Variants in SACM1L observed in about 807,000 individuals in gnomAD.
The protein encoded by SACM1L is SAC1 like phosphatidylinositide phosphatase, also known as phosphatidylinositol-3-phosphatase SAC1.
In SACM1L, 32 loss-of-function variants were observed where a neutral mutation model predicts 89.5. That is an observed-to-expected ratio of 0.36 (90% CI 0.27 to 0.48). SACM1L has a LOEUF of 0.48. Ranked by LOEUF, SACM1L falls within the 20% of genes least tolerant of loss-of-function variation. The pLI, the probability that SACM1L is intolerant of heterozygous loss-of-function variation, is 0.99. For synonymous variants in SACM1L, 213 were observed against 232.8 expected, an observed-to-expected ratio of 0.92 and a Z score of 0.77; for missense variants, 543 against 708.5, an observed-to-expected ratio of 0.77 and a Z score of 2.65.
chr3:45,699,927 C>A (rs1698227716), intron 1 of SACM1L, among the ~76,000 whole-genome samples: 1 of 152,122 alleles, frequency 6.6e-6, no homozygotes, highest in Admixed American at 6.5e-5. Context: ...TACTTTATTG[C>A]TGACTGAAAT....
At chr3:45,711,609 C>T (rs562867389) in intron 5 of SACM1L, among the ~76,000 whole-genome samples, 134 of 150,120 alleles carry the variant, frequency 8.9e-4, no homozygotes, top group African/African-American at 2.9e-3. Flanking sequence ...AACAGCAAGA[C>T]GGTCTAAAAA....
intron 8 of SACM1L, 139 bp downstream of exon 8, chr3:45,719,740 A>ATAAT: frequency 1.9e-6 from 1 of 536,826 alleles, no homozygotes; most frequent in Non-Finnish European, 3.3e-6. Flanking sequence ...CTTCATTGTA[A>ATAAT]TAATTAGGTA....
intron 11 of SACM1L, among the ~76,000 whole-genome samples, chr3:45,724,717 A>T (rs920228889): frequency 6.6e-6 from 1 of 152,112 alleles, no homozygotes. Flanking sequence ...ATCCAATAAC[A>T]TAAACTTACC....
At chr3:45,700,202 G>C (rs1698232868) in intron 1 of SACM1L, among the ~76,000 whole-genome samples, 1 of 152,160 alleles carries the variant, frequency 6.6e-6, no homozygotes, top group African/African-American at 2.4e-5. Context: ...TTCGATTTCT[G>C]AGCTTGGTGA....
Position 45,705,265 on chromosome 3 carries a change from T to A in SACM1L, c.205+56T>A, listed in dbSNP as rs572341497. The A allele has an allele frequency of 8.7e-4, 929 of 1,061,894 alleles. 11 individuals carry two copies. In the South Asian group the frequency reaches 0.012, roughly 13 times the overall value. The allele number at this position is 1,061,894 out of a possible 1,614,324, so 65.8% of individuals were successfully genotyped here. A position where few individuals can be genotyped will look rare whatever the true frequency, so the allele number is the denominator to read the frequency against. On this transcript the variant is annotated intron_variant, in intron 3 of 19. Transcript: ENST00000389061. ...AAGGTAATTAGCAAGGTAGTTAAAT[T>A]GTTAATATTAGAGTGAGTATACGAT...
chr3:45,726,000 A>C (rs1270903986), intron 11 of SACM1L, among the ~76,000 whole-genome samples: 1 of 151,908 alleles, frequency 6.6e-6, no homozygotes, highest in African/African-American at 2.4e-5. Flanking sequence ...GGTATGTTAT[A>C]CTGATGGATT....
chr3:45,719,836 T>G (rs146523908), intron 8 of SACM1L, among the ~76,000 whole-genome samples: 115 of 152,352 alleles, frequency 7.5e-4, no homozygotes, highest in African/African-American at 2.5e-3. Context: ...GAAGAGGAAC[T>G]GATCATGTTG....
At chr3:45,720,868 T>G (rs1195328042) in intron 8 of SACM1L, among the ~76,000 whole-genome samples, 1 of 152,226 alleles carries the variant, frequency 6.6e-6, no homozygotes, top group Non-Finnish European at 1.5e-5. Flanking sequence ...ATGTTATATG[T>G]AAGAAATATG....
intron 1 of SACM1L, among the ~76,000 whole-genome samples, chr3:45,698,326 G>A (rs2125682377): frequency 6.6e-6 from 1 of 152,274 alleles, no homozygotes; most frequent in South Asian, 2.1e-4. Flanking sequence ...AGCATCCCTA[G>A]AAATGTTGAT....
At chr3:45,732,499 C>T (rs9826208) in intron 13 of SACM1L, among the ~76,000 whole-genome samples, 95,676 of 151,950 alleles carry the variant, frequency 0.63, 30,549 homozygotes, top group Non-Finnish European at 0.66. Context: ...ACCTGTACAG[C>T]GTCTGTAATG....
intron 8 of SACM1L, 77 bp from the exon 9 acceptor site, chr3:45,721,920 AGTT>A: frequency 1.1e-6 from 1 of 917,238 alleles, no homozygotes; most frequent in Non-Finnish European, 1.7e-6. Flanking sequence ...ATTCTCTCCA[AGTT>A]AACCTGAATT....
chr3:45,722,573 T>C (rs1413361143), intron 9 of SACM1L, among the ~76,000 whole-genome samples: 1 of 152,232 alleles, frequency 6.6e-6, no homozygotes, highest in African/African-American at 2.4e-5. Flanking sequence ...AATGCCAAAT[T>C]ATATAACAGA....
intron 1 of SACM1L, among the ~76,000 whole-genome samples, chr3:45,692,330 TTA>T (rs1186976877): frequency 4.4e-4 from 32 of 72,642 alleles, no homozygotes; most frequent in African/African-American, 1.4e-3. Flanking sequence ...TTTTTTTTTT[TTA>T]TTATTTTTGT....
intron 6 of SACM1L, chr3:45,713,639 G>C (rs1698575236): frequency 6.1e-6 from 1 of 164,256 alleles, no homozygotes; most frequent in Non-Finnish European, 1.3e-5. Flanking sequence ...GGCCCAGCTA[G>C]GGAAACATGA....
In SACM1L at chr3:45,743,528, A is replaced by G; in HGVS notation, c.1628-5A>G. On this transcript the variant is annotated splice_polypyrimidine_tract_variant and splice_region_variant and intron_variant, in intron 19 of 19. Transcript: ENST00000389061. ...ATTTAGCTTTTTGTTTCTTAATATCAACAGGTGACACTTGGACAGAAACAC... is the reference window on the plus strand; with the variant it reads ...ATTTAGCTTTTTGTTTCTTAATATCGACAGGTGACACTTGGACAGAAACAC... 1 of 1,602,064 alleles carries G rather than the reference A, an allele frequency of 6.2e-7. No homozygotes were observed. Among genetic ancestry groups the G allele is most frequent in the Admixed American group, 1.8e-5 (1 of 56,504 alleles).
In SACM1L at chr3:45,736,134, G is replaced by T. The variant is rs542167430; in HGVS notation, c.1239+761G>T. 3.3e-5 allele frequency among the ~76,000 whole-genome samples: 5 copies of T among 152,278 alleles called. No homozygotes were observed. The South Asian group carries it at 1.0e-3, about 32-fold the overall frequency. ...GTCTACCTGCCTCAGCTCCCAAAGT[G>T]CTGGGATTACAGGCTTGAGCCACTG... On this transcript the variant is annotated intron_variant, in intron 14 of 19. Transcript: ENST00000389061.
intron 1 of SACM1L, among the ~76,000 whole-genome samples, chr3:45,701,877 T>C (rs1329862331): frequency 1.3e-5 from 2 of 152,212 alleles, no homozygotes; most frequent in East Asian, 3.8e-4. Context: ...AAGACTTTTA[T>C]ACAAGAATGT....
At chr3:45,723,105 A>T (rs1388847513) in intron 10 of SACM1L, 150 bp downstream of exon 10, 2 of 663,428 alleles carry the variant, frequency 3.0e-6, no homozygotes, top group Non-Finnish European at 5.0e-6. Context: ...GTAAACCCCT[A>T]AACCAAAAGG....
rs190083595 is a variant in SACM1L, at chr3:45,689,897, A to C, written c.32+400A>C. On this transcript the variant is annotated intron_variant, in intron 1 of 19. Transcript: ENST00000389061. ...TTCTCTTACTTAACGGACCTACAGC[A>C]GCAATTTAGAGTCTACGCACAAATC... 18 of 253,728 alleles carry C rather than the reference A, an allele frequency of 7.1e-5. No homozygotes were observed. The East Asian group carries it at 1.6e-3, about 23-fold the overall frequency. The allele number at this position is 253,728 out of a possible 1,614,324, so 15.7% of individuals were successfully genotyped here.
Sources: gnomAD v4.1 joint callset for allele counts (sites outside exome capture counted in the v4.1 genomes callset) on GRCh38, gnomAD v4.1.1 for gene constraint, MANE v1.5 for transcripts, NCBI Gene and HGNC (gene_info 2026-07-23, HGNC 2026-07-21) for gene names.